SLC14A2: variants seen among roughly 807,000 people sequenced by gnomAD.
SLC14A2 encodes the protein solute carrier family 14 member 2, also known as urea transporter 2.
SLC14A2 carries 91 observed loss-of-function variants against 104.6 expected under a neutral mutation model. That is an observed-to-expected ratio of 0.87 (90% confidence interval 0.73 to 1.04). SLC14A2 has a LOEUF of 1.04. SLC14A2 is among the 50% of genes least tolerant of loss of function. The probability of loss-of-function intolerance (pLI) is 0.00; values close to 1 mark genes in which losing one functional copy is unlikely to be tolerated. For synonymous variants in SLC14A2, 476 were observed against 466.4 expected (o/e 1.02, Z -0.27); for missense variants, 1,189 against 1,156.0 (o/e 1.03, Z -0.41).
chr18:45,208,549 G>T (rs567699274), upstream of SLC14A2, among the ~76,000 whole-genome samples: 150 of 152,312 alleles, frequency 9.8e-4, no homozygotes, highest in Non-Finnish European at 1.6e-3. Context: ...AAGGAGAGAC[G>T]TTAAAGGCAG....
At chr18:45,299,258 G>T (rs891126794) in intron 1 of SLC14A2, among the ~76,000 whole-genome samples, 8 of 152,262 alleles carry the variant, frequency 5.3e-5, no homozygotes, top group Admixed American at 5.2e-4. Flanking sequence ...CCAGCATCCT[G>T]CACATTAGCA....
intron 2 of SLC14A2, among the ~76,000 whole-genome samples, chr18:45,520,960 A>C (rs536052603): frequency 2.6e-4 from 39 of 152,268 alleles, no homozygotes; most frequent in African/African-American, 8.7e-4. Flanking sequence ...AGCAGTGGGA[A>C]TGGGTGGGCC....
chr18:45,295,184 T>G (rs1201193844), intron 1 of SLC14A2, among the ~76,000 whole-genome samples: 1 of 152,174 alleles, frequency 6.6e-6, no homozygotes, highest in Non-Finnish European at 1.5e-5. Context: ...CCCATTCTGT[T>G]TTGGACAACT....
At chr18:45,441,293 C>T (rs1299057587) in intron 1 of SLC14A2, among the ~76,000 whole-genome samples, 1 of 152,224 alleles carries the variant, frequency 6.6e-6, no homozygotes, top group African/African-American at 2.4e-5. Context: ...GATAAGTCTA[C>T]ATGTGCCCTC....
At chr18:45,399,109 C>A (rs2086067788) in intron 1 of SLC14A2, among the ~76,000 whole-genome samples, 1 of 152,140 alleles carries the variant, frequency 6.6e-6, no homozygotes, top group Non-Finnish European at 1.5e-5. Flanking sequence ...TGATTGCCCC[C>A]AATATTGAGA....
At chr18:45,497,077 G>A (rs1464752370) in intron 2 of SLC14A2, among the ~76,000 whole-genome samples, 1 of 152,148 alleles carries the variant, frequency 6.6e-6, no homozygotes, top group South Asian at 2.1e-4. Flanking sequence ...ACTTTGCCTT[G>A]TAATAGTGTG....
Position 45,471,629 on chromosome 18 carries a change from C to T in SLC14A2, c.-124-11604C>T, listed in dbSNP as rs572962383. 7.2e-5 allele frequency among the ~76,000 whole-genome samples: 11 copies of T among 151,960 alleles called. No individual in the cohort carries two copies. In the East Asian group the frequency reaches 2.1e-3, roughly 29 times the overall value. On this transcript the variant is annotated intron_variant, in intron 1 of 20. Transcript: ENST00000586448. ...TAACTATCCATTTTCATGTGTTCTG[C>T]TCACTTGATCAATCCTGTTCTTAAG...
At chr18:45,317,335 C>T (rs1335667528) in intron 1 of SLC14A2, among the ~76,000 whole-genome samples, 1 of 152,322 alleles carries the variant, frequency 6.6e-6, no homozygotes, top group South Asian at 2.1e-4. Context: ...ATGTGCCAGA[C>T]ATCATGCTAT....
At chr18:45,209,713 T>G (rs530829098), upstream of SLC14A2, among the ~76,000 whole-genome samples, 226 of 152,270 alleles carry the variant, frequency 1.5e-3, no homozygotes, top group Admixed American at 3.9e-3. Context: ...TGCTAACCTA[T>G]TTTTCGAGAT....
intron 10 of SLC14A2, among the ~76,000 whole-genome samples, chr18:45,645,008 C>A (rs1285557206): frequency 6.6e-6 from 1 of 152,018 alleles, no homozygotes; most frequent in Non-Finnish European, 1.5e-5. Flanking sequence ...TAGTGCTCTC[C>A]CTCCTCTTGC....
chr18:45,305,251 G>T (rs1379472164), intron 1 of SLC14A2, among the ~76,000 whole-genome samples: 1 of 152,190 alleles, frequency 6.6e-6, no homozygotes, highest in Non-Finnish European at 1.5e-5. Context: ...GCAGTCTGAG[G>T]TCCCTGAGCC....
At chr18:45,348,362 G>C (rs1471673483) in intron 1 of SLC14A2, among the ~76,000 whole-genome samples, 2 of 152,164 alleles carry the variant, frequency 1.3e-5, no homozygotes, top group Non-Finnish European at 2.9e-5. Context: ...CATCTCACTT[G>C]GACCAGGTGA....
At chr18:45,607,868 T>C (rs1005036420) in intron 2 of SLC14A2, among the ~76,000 whole-genome samples, 24 of 152,304 alleles carry the variant, frequency 1.6e-4, no homozygotes, top group Non-Finnish European at 3.1e-4. Flanking sequence ...GAGCTCTCAG[T>C]TCCCCTGTAA....
At chr18:45,289,442 C>G in intron 1 of SLC14A2, among the ~76,000 whole-genome samples, 1 of 151,932 alleles carries the variant, frequency 6.6e-6, no homozygotes, top group African/African-American at 2.4e-5. Context: ...TTCCATGAAA[C>G]AAAAATCTAC....
Position 45,523,493 on chromosome 18 carries a change from C to CTTT in SLC14A2, c.-35+40190_-35+40192dup, listed in dbSNP as rs571753663. Among the ~76,000 whole-genome samples the CTTT allele has an allele frequency of 9.2e-4, 109 of 119,090 alleles. 1 individual carries two copies. Among genetic ancestry groups the CTTT allele is most frequent in the Middle Eastern group, 9.4e-3 (2 of 212 alleles). The allele number at this position is 119,090 out of a possible 152,430, so 78.1% of individuals were successfully genotyped here. On this transcript the variant is annotated intron_variant, in intron 2 of 20. Coordinates refer to the SLC14A2 transcript ENST00000586448. ...TCCAGGCACATACAACCACACCCAG[C>CTTT]TTTTTTTTTTTTTTTTTTTTTAAGT...
chr18:45,589,540 T>A (rs2044617890), intron 2 of SLC14A2, among the ~76,000 whole-genome samples: 1 of 152,160 alleles, frequency 6.6e-6, no homozygotes, highest in South Asian at 2.1e-4. Context: ...CCCCTTTTTT[T>A]ATTTGGATAA....
chr18:45,327,342 A>C (rs560432703), intron 1 of SLC14A2, among the ~76,000 whole-genome samples: 44 of 152,264 alleles, frequency 2.9e-4, no homozygotes, highest in Non-Finnish European at 3.2e-4. Flanking sequence ...TAAAATTTAC[A>C]TATAAATTTT....
intron 1 of SLC14A2, among the ~76,000 whole-genome samples, chr18:45,280,573 T>A (rs1351550240): frequency 6.6e-6 from 1 of 152,068 alleles, no homozygotes; most frequent in Non-Finnish European, 1.5e-5. Flanking sequence ...TTCTGGGTGA[T>A]GTGTCTACAG....
At chr18:45,202,986 C>T in the SLC14A2 span, among the ~76,000 whole-genome samples, 1 of 152,158 alleles carries the variant, frequency 6.6e-6, no homozygotes, top group Non-Finnish European at 1.5e-5. Context: ...GAAGAATCAC[C>T]GTTCCAGTGG....
Sources: gnomAD v4.1 joint callset for allele counts (sites outside exome capture counted in the v4.1 genomes callset) on GRCh38, gnomAD v4.1.1 for gene constraint, MANE v1.5 for transcripts, NCBI Gene and HGNC (gene_info 2026-07-23, HGNC 2026-07-21) for gene names.